HIPK3: variants seen among roughly 807,000 people sequenced by gnomAD.
The protein encoded by HIPK3 is homeodomain interacting protein kinase 3, also known as homeodomain-interacting protein kinase 3.
HIPK3 carries 47 observed loss-of-function variants against 124.2 expected under a neutral mutation model. The ratio of observed to expected loss-of-function variants is 0.38; its 90% CI spans 0.30 to 0.48. The LOEUF is 0.48. HIPK3 is among the 20% of genes least tolerant of loss of function. The pLI, the probability that HIPK3 is intolerant of heterozygous loss-of-function variation, is 0.98. For missense variants in HIPK3, 1,286 were observed against 1,454.3 expected (o/e 0.88, Z 1.88); for synonymous variants, 482 against 515.2 (o/e 0.94, Z 0.87).
intron 16 of HIPK3, 94 bp from the exon 17 acceptor site, chr11:33,352,998 A>T (rs535724391): frequency 2.7e-6 from 2 of 740,428 alleles, no homozygotes; most frequent in African/African-American, 3.5e-5. Context: ...TGAGTTATCA[A>T]TCACAAAGGG....
At chr11:33,334,838 A>G (rs1236125250) in intron 3 of HIPK3, among the ~76,000 whole-genome samples, 4 of 152,216 alleles carry the variant, frequency 2.6e-5, no homozygotes, top group African/African-American at 4.8e-5. Flanking sequence ...GTTTGGCAGT[A>G]GTGTGAATAA....
At chr11:33,267,565 G>C (rs193132495) in intron 1 of HIPK3, among the ~76,000 whole-genome samples, 1 of 151,650 alleles carries the variant, frequency 6.6e-6, no homozygotes, top group Admixed American at 6.6e-5. Flanking sequence ...GCGTGATCTC[G>C]GCTCACTGCA....
intron 1 of HIPK3, among the ~76,000 whole-genome samples, chr11:33,276,944 AT>A (rs1376646954): frequency 6.6e-6 from 1 of 152,090 alleles, no homozygotes; most frequent in African/African-American, 2.4e-5. Flanking sequence ...ACCTCAAATG[AT>A]TCACCAGCCT....
intron 2 of HIPK3, among the ~76,000 whole-genome samples, chr11:33,297,936 C>T (rs1046379611): frequency 1.3e-5 from 2 of 151,738 alleles, no homozygotes; most frequent in African/African-American, 2.4e-5. Context: ...ATTACAGGGG[C>T]GCACTACCAT....
intron 2 of HIPK3, among the ~76,000 whole-genome samples, chr11:33,300,137 C>G (rs1256188996): frequency 6.6e-6 from 1 of 151,894 alleles, no homozygotes; most frequent in East Asian, 1.9e-4. Flanking sequence ...GTCAGGAGTT[C>G]GAGACCAGCC....
chr11:33,351,686 T>G lies in HIPK3; in HGVS notation c.2886T>G (p.Ser962Arg). 6.2e-7 allele frequency: 1 copy of G among 1,614,212 alleles called. No homozygotes were observed. Among genetic ancestry groups the G allele is most frequent in the Admixed American group, 1.7e-5 (1 of 60,030 alleles). ...CATCTGACTCTTCCGGGCATGACAGTCCATTTGCAGAGAGCACTTTTGTGG... is the reference window on the plus strand; with the variant it reads ...CATCTGACTCTTCCGGGCATGACAGGCCATTTGCAGAGAGCACTTTTGTGG... ...SPTSDSSGHDSPFAESTFVED... is the reference protein window; with the variant it reads ...SPTSDSSGHDRPFAESTFVED... Residue 962 changes from serine (S) to arginine (R), a missense_variant, in exon 15 of 17, where the codon AGT (serine) becomes AGG (arginine). Around this residue, in one of 3 missense-constraint regions of HIPK3, gnomAD observed 810 missense variants for 864.9 expected, o/e 0.94. Coordinates refer to ENST00000303296, the MANE Select transcript of HIPK3 (RefSeq NM_005734.5).
chr11:33,256,763 T>A (rs1030551809), upstream of HIPK3: 3 of 961,398 alleles, frequency 3.1e-6, no homozygotes, highest in African/African-American at 5.3e-5. Flanking sequence ...GTGGGCGAAC[T>A]TCACAATTAT....
intron 2 of HIPK3, among the ~76,000 whole-genome samples, chr11:33,301,859 T>C (rs1365197288): frequency 1.5e-4 from 6 of 40,120 alleles, no homozygotes; most frequent in Non-Finnish European, 2.6e-4. Context: ...CACACACGAG[T>C]ACAGTACAGT....
At chr11:33,340,652 T>C (rs1490419728) in intron 6 of HIPK3, among the ~76,000 whole-genome samples, 1 of 152,164 alleles carries the variant, frequency 6.6e-6, no homozygotes, top group Non-Finnish European at 1.5e-5. Context: ...GTTAATTTAG[T>C]GGTGTGGAGA....
intron 1 of HIPK3, among the ~76,000 whole-genome samples, chr11:33,262,198 A>C (rs1850844379): frequency 6.6e-6 from 1 of 152,230 alleles, no homozygotes; most frequent in South Asian, 2.1e-4. Context: ...TACTTAAGGA[A>C]GAATGTCACT....
rs201916597 is a variant in HIPK3 at position 33,349,156 on chromosome 11, T to A, written c.2676T>A (p.Gly892=). The change falls in exon 14 of 17, where the codon GGT becomes GGA. Residue 892 remains glycine, a synonymous_variant. Coordinates refer to ENST00000303296, the MANE Select transcript of HIPK3 (RefSeq NM_005734.5). ...SQRHSLRECK[G]SLDCEACQST... is the part of the protein sequence containing the mutation. The stretch of plus-strand genomic sequence containing the variant: ...TTTTCTCTTCCACTAGATGTAAAGG[T>A]AGTCTAGATTGTGAAGCTTGCCAGA... 4.3e-6 allele frequency: 7 copies of A among 1,613,600 alleles called. No homozygotes were observed. The Admixed American group carries it at 8.3e-5, about 19-fold the overall frequency.
At chr11:33,292,652 A>T (rs945541953) in intron 2 of HIPK3, among the ~76,000 whole-genome samples, 1 of 152,234 alleles carries the variant, frequency 6.6e-6, no homozygotes, top group Admixed American at 6.5e-5. Flanking sequence ...ATCATAAAGT[A>T]GTTGTTTGGG....
chr11:33,299,524 G>A (rs940838403), intron 2 of HIPK3, among the ~76,000 whole-genome samples: 7 of 152,022 alleles, frequency 4.6e-5, no homozygotes, highest in African/African-American at 1.7e-4. Context: ...AATGCTGGTG[G>A]AGATGCTGTG....
chr11:33,347,426 T>C lies in HIPK3; in HGVS notation c.2019+12T>C, dbSNP rs754030230. On this transcript the variant is annotated intron_variant, in intron 9 of 16. Coordinates refer to ENST00000303296, the MANE Select transcript of HIPK3 (RefSeq NM_005734.5). The stretch of plus-strand genomic sequence containing the variant: ...GAGTTCTTTCTCAGGTTGGTAATAA[T>C]TCATTCTTTGCCATATATCAGCTTG... 46 of 1,612,896 alleles carry C rather than the reference T, an allele frequency of 2.9e-5. No individual in the cohort carries two copies. Among genetic ancestry groups the C allele is most frequent in the Admixed American group, 6.7e-5 (4 of 59,784 alleles).
rs542817139 is a variant in HIPK3 at position 33,324,343 on chromosome 11, C to A, written c.1098-4167C>A. On this transcript the variant is annotated intron_variant, in intron 2 of 16. Transcript: ENST00000303296. ...CTTTCAGGCATTGCTTCCCAACTTT[C>A]CTCATGCTATGGTATGATATACATA... Among the ~76,000 whole-genome samples, 19 of 152,318 alleles carry A rather than the reference C, an allele frequency of 1.2e-4. No homozygotes were observed. The Middle Eastern group carries it at 0.01, about 82-fold the overall frequency.
At chr11:33,274,610 G>A (rs879359587) in intron 1 of HIPK3, among the ~76,000 whole-genome samples, 10 of 152,050 alleles carry the variant, frequency 6.6e-5, no homozygotes, top group Non-Finnish European at 1.5e-4. Flanking sequence ...TAAACTTTTT[G>A]TCTTTAGTCA....
intron 6 of HIPK3, among the ~76,000 whole-genome samples, chr11:33,340,073 T>TTTTGTTTG (rs959337686): frequency 5.2e-4 from 79 of 152,224 alleles, no homozygotes; most frequent in African/African-American, 1.8e-3. Flanking sequence ...ATTCTTTGTG[T>TTTTGTTTG]TTTGTTTGTT....
In HIPK3 at chr11:33,337,099, G is replaced by A. The variant is rs1163350285; in HGVS notation, c.1246G>A (p.Gly416Ser). The change falls in exon 4 of 17, where the codon GGT becomes AGT. Residue 416 changes from glycine (G) to serine (S), a missense_variant. Around this residue, in one of 3 missense-constraint regions of HIPK3, gnomAD observed 251 missense variants for 349.1 expected, o/e 0.72. Transcript: ENST00000303296. ...GATTCGATACATTTCTCAGACTCAAGGTTTGCCAGGAGAACAGTTGTTAAA... is the reference window on the plus strand; with the variant it reads ...GATTCGATACATTTCTCAGACTCAAAGTTTGCCAGGAGAACAGTTGTTAAA... ...DQIRYISQTQ[G>S]LPGEQLLNVG... The A allele has an allele frequency of 1.9e-6, 3 of 1,601,540 alleles. No homozygotes were observed. Among genetic ancestry groups the A allele is most frequent in the Non-Finnish European group, 2.6e-6 (3 of 1,172,726 alleles).
Position 33,355,244 on chromosome 11 carries a change from C to A in HIPK3, c.*1676C>A, listed in dbSNP as rs1853785152. On this transcript the variant is annotated 3_prime_UTR_variant, in exon 17 of 17. Transcript: ENST00000303296. ...TTTTCTGTTTGGAGTGTCATTGTAACTACTGTATTGTAAATGGTGGAAAAT... is the reference window on the plus strand; with the variant it reads ...TTTTCTGTTTGGAGTGTCATTGTAAATACTGTATTGTAAATGGTGGAAAAT... The A allele has an allele frequency of 6.6e-6, 1 of 151,898 alleles. No homozygotes were observed. Among genetic ancestry groups the A allele is most frequent in the Non-Finnish European group, 1.5e-5 (1 of 67,888 alleles). 9.4% of individuals were successfully genotyped at this position (151,898 alleles called of 1,614,324 possible). A position where few individuals can be genotyped will look rare whatever the true frequency, so the allele number is the denominator to read the frequency against.
Sources: gnomAD v4.1 joint callset for allele counts (sites outside exome capture counted in the v4.1 genomes callset) on GRCh38, gnomAD v4.1.1 for gene constraint, gnomAD v4.1.1 regional missense constraint, MANE v1.5 for transcripts, NCBI Gene and HGNC (gene_info 2026-07-23, HGNC 2026-07-21) for gene names.